Variants in MARCHF1 observed in about 807,000 individuals in gnomAD.
MARCHF1 encodes E3 ubiquitin-protein ligase MARCHF1.
Under a neutral mutation model 54.2 loss-of-function variants are expected in MARCHF1, and 40 were observed. That is an observed-to-expected ratio of 0.74 (90% confidence interval 0.57 to 0.96). MARCHF1 has a LOEUF of 0.96. MARCHF1 is among the 40% of genes least tolerant of loss of function. The pLI, the probability that MARCHF1 is intolerant of heterozygous loss-of-function variation, is 0.00. For missense variants in MARCHF1, 586 were observed against 656.5 expected, an observed-to-expected ratio of 0.89 and a Z score of 1.17; for synonymous variants, 236 against 236.3, an observed-to-expected ratio of 1.00 and a Z score of 0.01.
intron 2 of MARCHF1, among the ~76,000 whole-genome samples, chr4:164,110,197 G>C (rs1023667470): frequency 2.0e-5 from 3 of 150,670 alleles, no homozygotes; most frequent in African/African-American, 7.3e-5. Flanking sequence ...ATTGAGAATT[G>C]ATTCTTATTG....
intron 4 of MARCHF1, among the ~76,000 whole-genome samples, chr4:163,775,477 A>C (rs1181251631): frequency 1.3e-5 from 2 of 152,118 alleles, no homozygotes; most frequent in African/African-American, 2.4e-5. Context: ...AATATTGTTG[A>C]GTGAATATAT....
At chr4:164,036,885 T>C (rs560961890) in intron 2 of MARCHF1, among the ~76,000 whole-genome samples, 2 of 152,214 alleles carry the variant, frequency 1.3e-5, no homozygotes, top group African/African-American at 2.4e-5. Flanking sequence ...GGTGAATATA[T>C]GCATACCAAA....
intron 1 of MARCHF1, among the ~76,000 whole-genome samples, chr4:164,292,273 C>G (rs547639256): frequency 6.6e-6 from 1 of 152,034 alleles, no homozygotes; most frequent in African/African-American, 2.4e-5. Flanking sequence ...AAACGTTTCT[C>G]ATAATTAAAG....
intron 1 of MARCHF1, among the ~76,000 whole-genome samples, chr4:164,351,984 T>C (rs2110888247): frequency 1.4e-5 from 2 of 140,334 alleles, no homozygotes; most frequent in East Asian, 2.1e-4. Flanking sequence ...CAGGAGCTGA[T>C]GCGATCAACT....
At chr4:163,788,859 A>G (rs1747693154) in intron 4 of MARCHF1, among the ~76,000 whole-genome samples, 1 of 152,070 alleles carries the variant, frequency 6.6e-6, no homozygotes, top group East Asian at 1.9e-4. Context: ...GCAGACAGCA[A>G]TCTCAACAAA....
chr4:163,567,058 A>G (rs1441522239), intron 8 of MARCHF1, among the ~76,000 whole-genome samples: 1 of 152,164 alleles, frequency 6.6e-6, no homozygotes, highest in Non-Finnish European at 1.5e-5. Flanking sequence ...TGGGTGCAGC[A>G]AATCAGCATG....
chr4:163,784,733 T>A (rs1747567907), intron 4 of MARCHF1, among the ~76,000 whole-genome samples: 1 of 152,128 alleles, frequency 6.6e-6, no homozygotes, highest in South Asian at 2.1e-4. Context: ...ACAGTAATCA[T>A]TAAATGCTTG....
chr4:163,696,979 A>C (rs745513869), intron 5 of MARCHF1, among the ~76,000 whole-genome samples: 1 of 152,096 alleles, frequency 6.6e-6, no homozygotes, highest in Non-Finnish European at 1.5e-5. Context: ...GCTGTGATTT[A>C]TTTGTATCCT....
At chr4:163,706,123 G>A (rs1360642894) in intron 4 of MARCHF1, among the ~76,000 whole-genome samples, 3 of 152,068 alleles carry the variant, frequency 2.0e-5, no homozygotes, top group African/African-American at 7.2e-5. Context: ...GGTTGCCTAA[G>A]GTCAAATTTC....
chr4:163,927,849 G>A (rs1337116436), intron 3 of MARCHF1, among the ~76,000 whole-genome samples: 2 of 151,798 alleles, frequency 1.3e-5, no homozygotes, highest in Non-Finnish European at 2.9e-5. Flanking sequence ...TATTTAACAT[G>A]TACACTCACA....
chr4:164,052,152 T>TG (rs1393490670), intron 2 of MARCHF1, among the ~76,000 whole-genome samples: 5 of 151,760 alleles, frequency 3.3e-5, no homozygotes, highest in Non-Finnish European at 4.4e-5. Flanking sequence ...TTTTTGTTTT[T>TG]TTTGTATTTT....
At chr4:164,255,876 G>T (rs1480435469) in intron 1 of MARCHF1, among the ~76,000 whole-genome samples, 1 of 152,016 alleles carries the variant, frequency 6.6e-6, no homozygotes, top group Non-Finnish European at 1.5e-5. Flanking sequence ...ATGTATTGAG[G>T]TTATGAATGA....
intron 1 of MARCHF1, among the ~76,000 whole-genome samples, chr4:164,314,478 C>T (rs145031194): frequency 4.5e-4 from 68 of 152,252 alleles, no homozygotes; most frequent in African/African-American, 1.4e-3. Flanking sequence ...ATAATTCCTC[C>T]TGTTACACTT....
chr4:163,961,449 T>C (rs1752344889), intron 3 of MARCHF1, among the ~76,000 whole-genome samples: 1 of 151,944 alleles, frequency 6.6e-6, no homozygotes, highest in Non-Finnish European at 1.5e-5. Flanking sequence ...AGTGGCTGAA[T>C]CCTGTTGAAT....
chr4:163,845,420 CT>C (rs1749455524), intron 4 of MARCHF1, among the ~76,000 whole-genome samples: 1 of 149,368 alleles, frequency 6.7e-6, no homozygotes, highest in South Asian at 2.1e-4. Flanking sequence ...CCTTTGGCAT[CT>C]TTGTTATCTG....
intron 8 of MARCHF1, among the ~76,000 whole-genome samples, chr4:163,575,690 A>ATT (rs1160283583): frequency 6.9e-6 from 1 of 145,408 alleles, no homozygotes. Flanking sequence ...GGCTTTTTAA[A>ATT]TTTTTTTTTT....
intron 3 of MARCHF1, among the ~76,000 whole-genome samples, chr4:163,858,157 A>T (rs1354462402): frequency 6.6e-6 from 1 of 151,968 alleles, no homozygotes; most frequent in Non-Finnish European, 1.5e-5. Flanking sequence ...CTGTACTCTA[A>T]GGAATGCTTT....
At chr4:164,379,938 C>T (rs1316920158) in intron 1 of MARCHF1, among the ~76,000 whole-genome samples, 4 of 150,908 alleles carry the variant, frequency 2.7e-5, no homozygotes, top group Admixed American at 1.3e-4. Flanking sequence ...CAGAGTGAGG[C>T]TCTGTCTCAA....
At chr4:163,915,169 G>C (rs1751280793) in intron 3 of MARCHF1, among the ~76,000 whole-genome samples, 1 of 152,104 alleles carries the variant, frequency 6.6e-6, no homozygotes. Context: ...TTGGAAATGA[G>C]TGGAGAAAGA....
Sources: allele counts gnomAD v4.1 joint callset (sites outside exome capture counted in the v4.1 genomes callset), GRCh38; gene constraint gnomAD v4.1.1; transcripts MANE v1.5; gene names NCBI Gene and HGNC (gene_info 2026-07-23, HGNC 2026-07-21).